The following LRRFIP1 variants were observed in gnomAD, a reference collection of about 807,000 sequenced individuals.
LRRFIP1 encodes LRR binding FLII interacting protein 1, also known as leucine-rich repeat flightless-interacting protein 1.
Under a neutral mutation model 104.4 loss-of-function variants are expected in LRRFIP1, and 62 were observed. The observed-to-expected ratio is 0.59, with a 90% CI of 0.48 to 0.73. The LOEUF is 0.73. Ranked by LOEUF, LRRFIP1 falls within the 30% of genes least tolerant of loss-of-function variation. The pLI is 0.00. For synonymous variants in LRRFIP1, 300 were observed against 299.0 expected, an observed-to-expected ratio of 1.00 and a Z score of -0.03; for missense variants, 796 against 824.5, an observed-to-expected ratio of 0.97 and a Z score of 0.42.
intron 1 of LRRFIP1, among the ~76,000 whole-genome samples, chr2:237,696,762 C>T (rs1366213344): frequency 6.6e-6 from 1 of 152,210 alleles, no homozygotes; most frequent in Non-Finnish European, 1.5e-5. Context: ...CAGGGGCTGG[C>T]AGGTAGTAAA....
intron 1 of LRRFIP1, among the ~76,000 whole-genome samples, chr2:237,643,022 G>A (rs770877831): frequency 6.6e-6 from 1 of 152,236 alleles, no homozygotes; most frequent in African/African-American, 2.4e-5. Context: ...AGGTCCCGAT[G>A]AGGCAACATT....
At chr2:237,671,698 C>T (rs2090362308) in intron 1 of LRRFIP1, among the ~76,000 whole-genome samples, 2 of 151,792 alleles carry the variant, frequency 1.3e-5, no homozygotes, top group African/African-American at 4.8e-5. Flanking sequence ...AGAAGCTGGC[C>T]AGGGACAGGG....
At chr2:237,762,872 C>G (rs1200038447) in intron 19 of LRRFIP1, 2 of 1,614,152 alleles carry the variant, frequency 1.2e-6, no homozygotes, top group Non-Finnish European at 8.5e-7. Context: ...AAACACAGTA[C>G]AGGTTGAGTC....
At chr2:237,704,450 G>A (rs780836333) in intron 1 of LRRFIP1, among the ~76,000 whole-genome samples, 17 of 152,162 alleles carry the variant, frequency 1.1e-4, no homozygotes, top group Non-Finnish European at 1.2e-4. Flanking sequence ...CACCGCGCCT[G>A]GCCAACTCTA....
intron 11 of LRRFIP1, among the ~76,000 whole-genome samples, chr2:237,746,370 AT>A (rs1445143821): frequency 6.6e-6 from 1 of 152,072 alleles, no homozygotes; most frequent in Admixed American, 6.6e-5. Context: ...TGAAATTTTG[AT>A]TTGAAAAATA....
intron 7 of LRRFIP1, among the ~76,000 whole-genome samples, chr2:237,725,815 G>A (rs140882029): frequency 0.018 from 2,678 of 152,326 alleles, 32 homozygotes; most frequent in Middle Eastern, 0.048. Context: ...CTTCTGCTCC[G>A]TCGCTGCAGG....
chr2:237,681,697 T>TTTTTTTTTTTTTTTTTTGGG (rs1161155692), intron 1 of LRRFIP1, among the ~76,000 whole-genome samples: 1 of 107,854 alleles, frequency 9.3e-6, no homozygotes, highest in Admixed American at 1.0e-4. Flanking sequence ...TTTTTTTTTT[T>TTTTTTTTTTTTTTTTTTGGG]GAGACGGAGT....
At chr2:237,692,235 C>A in intron 1 of LRRFIP1, 2 of 1,113,578 alleles carry the variant, frequency 1.8e-6, no homozygotes, top group Non-Finnish European at 1.1e-6. Flanking sequence ...ACTCAGCCCG[C>A]GGCCACCTGC....
At chr2:237,683,085 G>A (rs946603519) in intron 1 of LRRFIP1, among the ~76,000 whole-genome samples, 1 of 152,176 alleles carries the variant, frequency 6.6e-6, no homozygotes, top group Non-Finnish European at 1.5e-5. Context: ...CAGGACAGCC[G>A]CCCACGACAA....
At chr2:237,648,610 T>C (rs2149373518) in intron 1 of LRRFIP1, among the ~76,000 whole-genome samples, 1 of 151,640 alleles carries the variant, frequency 6.6e-6, no homozygotes, top group Non-Finnish European at 1.5e-5. Context: ...TTCAGGTATT[T>C]GTTCCGTGAA....
intron 23 of LRRFIP1, among the ~76,000 whole-genome samples, chr2:237,775,721 T>C (rs564240126): frequency 1.3e-5 from 2 of 152,146 alleles, no homozygotes; most frequent in South Asian, 2.1e-4. Flanking sequence ...GCCTGTAGTC[T>C]CAGCTACTTG....
At chr2:237,684,173 AT>A (rs11362124) in intron 1 of LRRFIP1, 92,820 of 139,198 alleles carry the variant, frequency 0.67, 30,681 homozygotes, top group Middle Eastern at 0.78. Context: ...TAAAATTGCC[AT>A]TTTTTTTTTT....
chr2:237,661,955 G>A lies in LRRFIP1; in HGVS notation c.96+34215G>A, dbSNP rs1008780527. Among the ~76,000 whole-genome samples, 6 of 152,230 alleles carry A rather than the reference G, an allele frequency of 3.9e-5. No individual in the cohort carries two copies. The highest frequency in any genetic ancestry group is 2.1e-4 in the South Asian group (1 of 4,834). On this transcript the variant is annotated intron_variant, in intron 1 of 23. Transcript: ENST00000308482. This position sits in a 1 kb window ranked among gnomAD's most constrained non-coding sequence, Gnocchi z 4.4. ...CTAGCGTGACCCATGACAGCATGCAGGTGTTGGTCTGTAGGGATGCCATAA... is the reference window on the plus strand; with the variant it reads ...CTAGCGTGACCCATGACAGCATGCAAGTGTTGGTCTGTAGGGATGCCATAA...
At chr2:237,655,015 T>C (rs12614874) in intron 1 of LRRFIP1, among the ~76,000 whole-genome samples, 26,444 of 149,654 alleles carry the variant, frequency 0.18, 2,719 homozygotes, top group South Asian at 0.32. Flanking sequence ...GATCCTGTCA[T>C]TTTCAACAGC....
chr2:237,680,973 CCT>C (rs1412710901), intron 1 of LRRFIP1, among the ~76,000 whole-genome samples: 1 of 151,936 alleles, frequency 6.6e-6, no homozygotes, highest in Non-Finnish European at 1.5e-5. Flanking sequence ...ACAGTGAGAC[CCT>C]GTGTCAAAAA....
chr2:237,670,027 T>C (rs559471523), intron 1 of LRRFIP1, among the ~76,000 whole-genome samples: 1 of 152,374 alleles, frequency 6.6e-6, no homozygotes, highest in South Asian at 2.1e-4. Context: ...TCAGTTTTCC[T>C]GTGTTCTTGG....
chr2:237,761,874 T>G (rs1438118081), intron 19 of LRRFIP1, among the ~76,000 whole-genome samples: 4 of 152,198 alleles, frequency 2.6e-5, no homozygotes, highest in Admixed American at 2.6e-4. Flanking sequence ...CCAAAACAGT[T>G]TGATGTTCTT....
intron 17 of LRRFIP1, among the ~76,000 whole-genome samples, chr2:237,757,922 GA>G (rs1162092404): frequency 1.3e-5 from 2 of 149,858 alleles, no homozygotes; most frequent in East Asian, 4.0e-4. Flanking sequence ...GGTGCTTTGA[GA>G]AAAAAAATCT....
In LRRFIP1 at chr2:237,780,482, AAAGTG is replaced by A; in HGVS notation, c.*959_*963del. Among the ~76,000 whole-genome samples, 1 of 152,332 alleles carries A rather than the reference AAAGTG, an allele frequency of 6.6e-6. No homozygotes were observed. The highest frequency in any genetic ancestry group is 1.9e-4 in the East Asian group (1 of 5,190). On this transcript the variant is annotated 3_prime_UTR_variant, in exon 24 of 24. Transcript: ENST00000308482. ...GTTTTCACAGAATGAGTGCACTTAA[AAAGTG>A]AAGTGAAGGAGGAGGTAACAGTAGA...
Sources: gnomAD v4.1 joint callset for allele counts (sites outside exome capture counted in the v4.1 genomes callset) on GRCh38, gnomAD v4.1.1 for gene constraint, Gnocchi (gnomAD v3.1) non-coding constraint, MANE v1.5 for transcripts, NCBI Gene and HGNC (gene_info 2026-07-23, HGNC 2026-07-21) for gene names.